Variants in PTBP1 observed in about 807,000 individuals in gnomAD.
PTBP1 encodes the protein polypyrimidine tract-binding protein 1.
A neutral mutation model predicts 59.8 loss-of-function variants in PTBP1; 8 were observed. The ratio of observed to expected loss-of-function variants is 0.13; its 90% confidence interval spans 0.08 to 0.24. PTBP1 has a LOEUF of 0.24. PTBP1 is among the 10% of genes least tolerant of loss of function. The pLI, the probability that PTBP1 is intolerant of heterozygous loss-of-function variation, is 1.00. For synonymous variants in PTBP1, 490 were observed against 320.7 expected, an observed-to-expected ratio of 1.53 and a Z score of -5.64; for missense variants, 686 against 767.0, an observed-to-expected ratio of 0.89 and a Z score of 1.25.
rs898022238 is a variant in PTBP1, at chr19:806,343, C to T, written c.971-65C>T. 1.0e-4 allele frequency: 150 copies of T among 1,503,800 alleles called. No homozygotes were observed. The Middle Eastern group carries it at 2.0e-3, about 21-fold the overall frequency. The allele number at this position is 1,503,800 out of a possible 1,614,324, so 93.2% of individuals were successfully genotyped here. ...CTCGGTGCATGAGGACGGGGAGCGT[C>T]GGCCTCTCCCACTCTGCGGTGGAGT... On this transcript the variant is annotated intron_variant, in intron 9 of 14. Coordinates refer to ENST00000356948, the MANE Select transcript of PTBP1 (RefSeq NM_002819.5).
rs2034833998 is a variant in PTBP1 at position 810,922 on chromosome 19, A to G, written c.*96A>G. 2.5e-6 allele frequency: 3 copies of G among 1,216,670 alleles called. No homozygotes were observed. The Admixed American group carries it at 8.7e-5, about 35-fold the overall frequency. The allele number at this position is 1,216,670 out of a possible 1,614,324, so 75.4% of individuals were successfully genotyped here. On this transcript the variant is annotated 3_prime_UTR_variant, in exon 15 of 15. Coordinates refer to ENST00000356948, the MANE Select transcript of PTBP1 (RefSeq NM_002819.5). The stretch of plus-strand genomic sequence containing the variant: ...ACAGCTGAAGTGACCTTAGCAGACC[A>G]GAGATTTTATTTTTTTAAAGAGAAA...
intron 13 of PTBP1, 80 bp from the exon 14 acceptor site, chr19:810,463 G>T (rs1667786807): frequency 1.6e-6 from 2 of 1,255,054 alleles, no homozygotes; most frequent in Non-Finnish European, 2.3e-6. Context: ...CTGAAAACTA[G>T]TCTGGGGAAA....
Position 811,264 on chromosome 19 carries a change from C to T in PTBP1, c.*438C>T, listed in dbSNP as rs2034853867. The T allele has an allele frequency of 6.5e-6, 1 of 153,816 alleles. No homozygotes were observed. The highest frequency in any genetic ancestry group is 2.4e-5 in the African/African-American group (1 of 41,522). 9.5% of individuals were successfully genotyped at this position (153,816 alleles called of 1,614,324 possible). A position where few individuals can be genotyped will look rare whatever the true frequency, so the allele number is the denominator to read the frequency against. On this transcript the variant is annotated 3_prime_UTR_variant, in exon 15 of 15. Transcript: ENST00000356948. The stretch of plus-strand genomic sequence containing the variant: ...GAGAGGCAGGGGGCCTGGCCGGCTC[C>T]TGCAGGATCATGCAGCTGGGGCGCG...
intron 9 of PTBP1, chr19:806,191 G>T: frequency 2.0e-6 from 1 of 490,662 alleles, no homozygotes; most frequent in Non-Finnish European, 3.5e-6. Context: ...GGCCCGGCCC[G>T]GCCCGTGCTG....
intron 2 of PTBP1, among the ~76,000 whole-genome samples, chr19:800,384 G>C (rs1244893467): frequency 1.3e-5 from 2 of 152,194 alleles, no homozygotes; most frequent in Non-Finnish European, 2.9e-5. Context: ...CAGCATGTGA[G>C]GAAAGGGGGT....
intron 13 of PTBP1, among the ~76,000 whole-genome samples, chr19:809,532 G>C (rs1410480591): frequency 6.6e-6 from 1 of 152,002 alleles, no homozygotes; most frequent in Non-Finnish European, 1.5e-5. Context: ...GTGTTAGCCA[G>C]GATGGTGTCG....
chr19:806,315 C>T (rs1253643316), intron 9 of PTBP1, 93 bp from the exon 10 acceptor site: 2 of 1,374,190 alleles, frequency 1.5e-6, no homozygotes, highest in East Asian at 3.0e-5. Context: ...CGCGGCTCGG[C>T]TCCTCGGTGC....
At position 798,920 on chromosome 19, in the gene PTBP1, C is replaced by T. The variant is rs186395479; in HGVS notation, c.9-493C>T. On this transcript the variant is annotated intron_variant, in intron 1 of 14. Transcript: ENST00000356948. ...TGACGGTTTCCACGGCCGCCTCCTG[C>T]TCTCCTCGGTGGATCGGGCTCCACT... Among the ~76,000 whole-genome samples, 792 of 152,366 alleles carry T rather than the reference C, an allele frequency of 5.2e-3. 8 individuals are homozygous for T. The highest frequency in any genetic ancestry group is 0.017 in the African/African-American group (702 of 41,588).
intron 1 of PTBP1, among the ~76,000 whole-genome samples, chr19:797,855 C>T (rs1379312331): frequency 1.3e-5 from 2 of 148,690 alleles, no homozygotes; most frequent in Non-Finnish European, 1.5e-5. Context: ...GGCCCTCGCG[C>T]GCCCGGATGG....
chr19:806,088 C>T (rs757503972), intron 9 of PTBP1: 7 of 304,192 alleles, frequency 2.3e-5, no homozygotes, highest in Admixed American at 1.0e-4. Flanking sequence ...GCGGTGGTCC[C>T]GGGACGGGCC....
rs2034845194 is a variant in PTBP1, at chr19:811,126, G to A, written c.*300G>A. 3.5e-6 allele frequency: 1 copy of A among 284,204 alleles called. No individual in the cohort carries two copies. Among genetic ancestry groups the A allele is most frequent in the African/African-American group, 2.2e-5 (1 of 45,584 alleles). 17.6% of individuals were successfully genotyped at this position (284,204 alleles called of 1,614,324 possible). On this transcript the variant is annotated 3_prime_UTR_variant, in exon 15 of 15. Transcript: ENST00000356948. ...TGTGTCGGGCGTGGGGCCTGCAGGTGGGCGCCCCGACCACGACTTGGCTTC... is the reference window on the plus strand; with the variant it reads ...TGTGTCGGGCGTGGGGCCTGCAGGTAGGCGCCCCGACCACGACTTGGCTTC...
In PTBP1 at chr19:804,359, C is replaced by T; in HGVS notation, c.356C>T (p.Pro119Leu). The change falls in exon 5 of 15, where the codon CCT (proline) becomes CTT (leucine). Residue 119 changes from proline (P) to leucine (L), a missense_variant. Transcript: ENST00000356948. ...TMVNYYTSVT[P>L]VLRGQPIYIQ... is the part of the protein sequence containing the mutation. ...GTGAACTACTACACCTCGGTGACCCCTGTGCTGCGCGGCCAGCCCATCTAC... is the reference window on the plus strand; with the variant it reads ...GTGAACTACTACACCTCGGTGACCCTTGTGCTGCGCGGCCAGCCCATCTAC... The T allele has an allele frequency of 1.2e-6, 2 of 1,613,304 alleles. No individual in the cohort carries two copies. Among genetic ancestry groups the T allele is most frequent in the Non-Finnish European group, 1.7e-6 (2 of 1,179,994 alleles).
In PTBP1 at chr19:811,049, C is replaced by T. The variant is rs577984150; in HGVS notation, c.*223C>T. 5.3e-4 allele frequency: 256 copies of T among 479,748 alleles called. No homozygotes were observed. The highest frequency in any genetic ancestry group is 4.9e-3 in the African/African-American group (240 of 49,106). The allele number at this position is 479,748 out of a possible 1,614,324, so 29.7% of individuals were successfully genotyped here. On this transcript the variant is annotated 3_prime_UTR_variant, in exon 15 of 15. Transcript: ENST00000356948. ...TTGGTGACTGTGGCAGCGGGAGTTC[C>T]CGGCCCTCCACACCCGGGGCCAGAC...
intron 2 of PTBP1, among the ~76,000 whole-genome samples, chr19:802,099 C>T (rs1210300753): frequency 6.6e-6 from 1 of 152,200 alleles, no homozygotes; most frequent in Non-Finnish European, 1.5e-5. Context: ...TTTGGTGACG[C>T]CCTGAGTGCT....
Position 810,908 on chromosome 19 carries a change from G to A in PTBP1, c.*82G>A. ...AAGCCACTTTAAAAACAGCTGAAGTGACCTTAGCAGACCAGAGATTTTATT... is the reference window on the plus strand; with the variant it reads ...AAGCCACTTTAAAAACAGCTGAAGTAACCTTAGCAGACCAGAGATTTTATT... On this transcript the variant is annotated 3_prime_UTR_variant, in exon 15 of 15. Coordinates refer to ENST00000356948, the MANE Select transcript of PTBP1 (RefSeq NM_002819.5). The A allele has an allele frequency of 7.9e-7, 1 of 1,263,050 alleles. No individual in the cohort carries two copies. Among genetic ancestry groups the A allele is most frequent in the African/African-American group, 1.6e-5 (1 of 64,238 alleles). 78.2% of individuals were successfully genotyped at this position (1,263,050 alleles called of 1,614,324 possible).
intron 2 of PTBP1, among the ~76,000 whole-genome samples, chr19:801,426 C>T (rs2034329224): frequency 1.3e-5 from 2 of 152,264 alleles, no homozygotes; most frequent in Admixed American, 1.3e-4. Flanking sequence ...CAATGCCAGG[C>T]CACTTGCCCA....
In PTBP1 at chr19:811,539, CTT is replaced by C. The variant is rs1487411615; in HGVS notation, c.*717_*718del. 7 of 152,564 alleles carry C rather than the reference CTT, an allele frequency of 4.6e-5. No individual in the cohort carries two copies. The highest frequency in any genetic ancestry group is 1.9e-4 in the East Asian group (1 of 5,192). The allele number at this position is 152,564 out of a possible 1,614,324, so 9.5% of individuals were successfully genotyped here. A position where few individuals can be genotyped will look rare whatever the true frequency, so the allele number is the denominator to read the frequency against. On this transcript the variant is annotated 3_prime_UTR_variant, in exon 15 of 15. Coordinates refer to ENST00000356948, the MANE Select transcript of PTBP1 (RefSeq NM_002819.5). ...ATGCAAAAGAAATAGTTTTAAGTAA[CTT>C]TTTATAGCAAGATGATACAATGGTA...
chr19:811,063 C>T lies in PTBP1; in HGVS notation c.*237C>T. On this transcript the variant is annotated 3_prime_UTR_variant, in exon 15 of 15. Coordinates refer to ENST00000356948, the MANE Select transcript of PTBP1 (RefSeq NM_002819.5). ...AGCGGGAGTTCCCGGCCCTCCACAC[C>T]CGGGGCCAGACCCTCGGGGCCATGC... 4 of 451,436 alleles carry T rather than the reference C, an allele frequency of 8.9e-6. No individual in the cohort carries two copies. Among genetic ancestry groups the T allele is most frequent in the Non-Finnish European group, 1.5e-5 (4 of 261,782 alleles). The allele number at this position is 451,436 out of a possible 1,614,324, so 28.0% of individuals were successfully genotyped here.
At position 811,874 on chromosome 19, in the gene PTBP1, CTG is replaced by C. The variant is rs200029696; in HGVS notation, c.*1052_*1053del. The C allele has an allele frequency of 4.6e-5, 7 of 152,466 alleles. No homozygotes were observed. The highest frequency in any genetic ancestry group is 1.9e-4 in the East Asian group (1 of 5,172). The allele number at this position is 152,466 out of a possible 1,614,324, so 9.4% of individuals were successfully genotyped here. On this transcript the variant is annotated 3_prime_UTR_variant, in exon 15 of 15. Coordinates refer to ENST00000356948, the MANE Select transcript of PTBP1 (RefSeq NM_002819.5). ...CAAATTTTGGACCAAAGTCTCATTT[CTG>C]TGTTTTGCCTGCCTCTGATGCTGGG...
Sources: allele counts gnomAD v4.1 joint callset (sites outside exome capture counted in the v4.1 genomes callset), GRCh38; gene constraint gnomAD v4.1.1; transcripts MANE v1.5; gene names NCBI Gene and HGNC (gene_info 2026-07-23, HGNC 2026-07-21).